The following KHDRBS3 variants were observed in gnomAD, a reference collection of about 807,000 sequenced individuals.
The protein encoded by KHDRBS3 is KH domain-containing, RNA-binding, signal transduction-associated protein 3.
In KHDRBS3, 23 loss-of-function variants were observed where a neutral mutation model predicts 45.6. That is an observed-to-expected ratio of 0.50 (90% CI 0.36 to 0.72). The LOEUF is 0.72. KHDRBS3 is among the 30% of genes least tolerant of loss of function. The pLI, the probability that KHDRBS3 is intolerant of heterozygous loss-of-function variation, is 0.00. For missense variants in KHDRBS3, 352 were observed against 424.8 expected (o/e 0.83, Z 1.51); for synonymous variants, 162 against 156.5 (o/e 1.04, Z -0.26).
At chr8:135,640,171 T>C (rs956422535) in intron 7 of KHDRBS3, among the ~76,000 whole-genome samples, 1 of 152,020 alleles carries the variant, frequency 6.6e-6, no homozygotes, top group Non-Finnish European at 1.5e-5. Flanking sequence ...GATGGGGGTA[T>C]GCAGAATTTT....
intron 5 of KHDRBS3, among the ~76,000 whole-genome samples, chr8:135,570,729 A>G (rs746621059): frequency 2.6e-5 from 4 of 152,108 alleles, no homozygotes; most frequent in Non-Finnish European, 5.9e-5. Context: ...AATCCCAACT[A>G]GGCTTGTTAC....
Position 135,511,541 on chromosome 8 carries a change from G to T in KHDRBS3, c.89-9696G>T, listed in dbSNP as rs369702935. The stretch of plus-strand genomic sequence containing the variant: ...GTACAAATATTTGCTCTGTTTTTTT[G>T]TTTGTTTGTTGTTGTTGTTGTTGTT... On this transcript the variant is annotated intron_variant, in intron 1 of 8. Transcript: ENST00000355849. Among the ~76,000 whole-genome samples, 606 of 149,426 alleles carry T rather than the reference G, an allele frequency of 4.1e-3. 10 individuals are homozygous for T. The highest frequency in any genetic ancestry group is 0.014 in the African/African-American group (550 of 40,214).
chr8:135,615,590 C>CT (rs1829883593), intron 7 of KHDRBS3, among the ~76,000 whole-genome samples: 1 of 152,038 alleles, frequency 6.6e-6, no homozygotes, highest in Non-Finnish European at 1.5e-5. Context: ...ATTTCAGATG[C>CT]TACATGGGCA....
chr8:135,484,023 A>G lies in KHDRBS3; in HGVS notation c.88+26069A>G, dbSNP rs189260906. 3.3e-5 allele frequency among the ~76,000 whole-genome samples: 5 copies of G among 152,318 alleles called. No homozygotes were observed. In the East Asian group the frequency reaches 9.6e-4, roughly 29 times the overall value. The stretch of plus-strand genomic sequence containing the variant: ...TGGGTCTGTCTTATCCCTGTGGCTT[A>G]CTAGCTGTATGTCCTGGGGGAAGTA... On this transcript the variant is annotated intron_variant, in intron 1 of 8. Coordinates refer to ENST00000355849, the MANE Select transcript of KHDRBS3 (RefSeq NM_006558.3).
intron 1 of KHDRBS3, among the ~76,000 whole-genome samples, chr8:135,503,839 A>G (rs1004969959): frequency 1.3e-5 from 2 of 152,216 alleles, no homozygotes; most frequent in Admixed American, 1.3e-4. Flanking sequence ...TGGAGTTACT[A>G]TAAGGATACT....
intron 1 of KHDRBS3, among the ~76,000 whole-genome samples, chr8:135,507,284 C>T (rs1234979837): frequency 2.0e-5 from 3 of 152,170 alleles, no homozygotes; most frequent in Non-Finnish European, 2.9e-5. Context: ...AGAAGACAGT[C>T]AGATATCCAT....
At chr8:135,545,891 A>G (rs1300992746) in intron 3 of KHDRBS3, among the ~76,000 whole-genome samples, 1 of 152,186 alleles carries the variant, frequency 6.6e-6, no homozygotes, top group Non-Finnish European at 1.5e-5. Flanking sequence ...TAATCCCAGC[A>G]CTTTGGGAGG....
At chr8:135,649,287 G>A (rs1199684516), downstream of KHDRBS3, among the ~76,000 whole-genome samples, 1 of 152,080 alleles carries the variant, frequency 6.6e-6, no homozygotes, top group Non-Finnish European at 1.5e-5. Flanking sequence ...CCACTTAGCA[G>A]TGTGACTTTG....
intron 6 of KHDRBS3, among the ~76,000 whole-genome samples, chr8:135,602,401 G>A (rs972732217): frequency 6.6e-6 from 1 of 152,144 alleles, no homozygotes; most frequent in Non-Finnish European, 1.5e-5. Context: ...TGTGAAAATT[G>A]CAAATTTAAT....
intron 5 of KHDRBS3, among the ~76,000 whole-genome samples, chr8:135,564,037 A>G (rs771665864): frequency 1.3e-5 from 2 of 152,148 alleles, no homozygotes; most frequent in Non-Finnish European, 2.9e-5. Context: ...TAACCCAGTC[A>G]CCCAGGGTCA....
intron 7 of KHDRBS3, among the ~76,000 whole-genome samples, chr8:135,643,453 G>T (rs1024150018): frequency 2.0e-5 from 3 of 152,204 alleles, no homozygotes; most frequent in Non-Finnish European, 2.9e-5. Flanking sequence ...TACCAGCAAG[G>T]TTCTCTTTGG....
At chr8:135,531,387 G>A (rs1470389001) in intron 2 of KHDRBS3, among the ~76,000 whole-genome samples, 1 of 150,432 alleles carries the variant, frequency 6.6e-6, no homozygotes, top group African/African-American at 2.5e-5. Flanking sequence ...TTAAATAATA[G>A]TATTTATAGC....
intron 5 of KHDRBS3, among the ~76,000 whole-genome samples, chr8:135,574,655 A>G (rs896201804): frequency 1.3e-5 from 2 of 152,234 alleles, no homozygotes; most frequent in African/African-American, 4.8e-5. Context: ...TAATTAGTTT[A>G]AATATACACT....
At chr8:135,652,291 G>A (rs1293995838), downstream of KHDRBS3, among the ~76,000 whole-genome samples, 3 of 152,148 alleles carry the variant, frequency 2.0e-5, no homozygotes, top group Non-Finnish European at 2.9e-5. Flanking sequence ...AGTTGATTCT[G>A]ACTGACATTC....
At chr8:135,652,901 A>G (rs1831458129) in intron 4 of KHDRBS3, among the ~76,000 whole-genome samples, 1 of 152,228 alleles carries the variant, frequency 6.6e-6, no homozygotes, top group South Asian at 2.1e-4. Flanking sequence ...ATGAGTGAAT[A>G]AAGTGGATGT....
At chr8:135,620,064 C>T (rs961941309) in intron 7 of KHDRBS3, among the ~76,000 whole-genome samples, 11 of 149,578 alleles carry the variant, frequency 7.4e-5, no homozygotes, top group Admixed American at 1.3e-4. Context: ...ATCACTTTAG[C>T]AAGGCCTTTT....
intron 6 of KHDRBS3, among the ~76,000 whole-genome samples, chr8:135,606,374 A>C (rs1334555443): frequency 1.3e-5 from 2 of 152,078 alleles, no homozygotes; most frequent in Non-Finnish European, 2.9e-5. Flanking sequence ...TTTCTTCACT[A>C]CCTCAGGCAG....
chr8:135,644,901 A>G (rs1258963470), intron 7 of KHDRBS3, among the ~76,000 whole-genome samples, 158 bp from the exon 8 acceptor site: 1 of 150,200 alleles, frequency 6.7e-6, no homozygotes, highest in Non-Finnish European at 1.5e-5. Context: ...CAAAGTTGAC[A>G]CTTCTGCTTT....
At chr8:135,490,115 G>C (rs192552018) in intron 1 of KHDRBS3, among the ~76,000 whole-genome samples, 1 of 152,156 alleles carries the variant, frequency 6.6e-6, no homozygotes, top group Non-Finnish European at 1.5e-5. Flanking sequence ...TGTAGCCTAG[G>C]TGTGTAGTGG....
Sources: allele counts gnomAD v4.1 joint callset (sites outside exome capture counted in the v4.1 genomes callset), GRCh38; gene constraint gnomAD v4.1.1; transcripts MANE v1.5; gene names NCBI Gene and HGNC (gene_info 2026-07-23, HGNC 2026-07-21).